The following AGBL1 variants were observed in gnomAD, a reference collection of about 807,000 sequenced individuals.
The protein encoded by AGBL1 is AGBL carboxypeptidase 1, also known as cytosolic carboxypeptidase 4.
In AGBL1, 130 loss-of-function variants were observed where a neutral mutation model predicts 118.9. That is an observed-to-expected ratio of 1.09 (90% confidence interval 0.95 to 1.26). The LOEUF is 1.26. Ranked by LOEUF, AGBL1 falls within the 50% of genes most tolerant of loss-of-function variation. The pLI is 0.00. For missense variants in AGBL1, 1,584 were observed against 1,298.1 expected, an observed-to-expected ratio of 1.22 and a Z score of -3.38; for synonymous variants, 555 against 478.9, an observed-to-expected ratio of 1.16 and a Z score of -2.08.
intron 17 of AGBL1, among the ~76,000 whole-genome samples, chr15:86,388,853 G>C (rs941789279): frequency 6.6e-6 from 1 of 152,266 alleles, no homozygotes; most frequent in South Asian, 2.1e-4. Flanking sequence ...GAATAATACA[G>C]GTGAAAACGC....
At chr15:86,741,651 C>G (rs993859590) in intron 22 of AGBL1, among the ~76,000 whole-genome samples, 1 of 152,034 alleles carries the variant, frequency 6.6e-6, no homozygotes, top group Non-Finnish European at 1.5e-5. Context: ...ACTCTATACA[C>G]TGTTCTAATT....
intron 22 of AGBL1, among the ~76,000 whole-genome samples, chr15:86,786,854 C>G (rs2141321036): frequency 6.6e-6 from 1 of 152,308 alleles, no homozygotes; most frequent in East Asian, 1.9e-4. Flanking sequence ...CATTCTCACA[C>G]CTATCTCCTT....
At chr15:86,573,476 G>C (rs2084038795) in intron 21 of AGBL1, among the ~76,000 whole-genome samples, 1 of 152,208 alleles carries the variant, frequency 6.6e-6, no homozygotes, top group African/African-American at 2.4e-5. Context: ...ATGTGTGTGT[G>C]TATGAAACTG....
At chr15:86,929,779 T>G (rs1222821636) in intron 23 of AGBL1, among the ~76,000 whole-genome samples, 1 of 152,204 alleles carries the variant, frequency 6.6e-6, no homozygotes, top group Non-Finnish European at 1.5e-5. Flanking sequence ...ATAGCTTTCT[T>G]TATGATCATT....
intron 22 of AGBL1, among the ~76,000 whole-genome samples, chr15:86,870,631 A>T (rs1596572852): frequency 6.6e-6 from 1 of 152,270 alleles, no homozygotes; most frequent in East Asian, 1.9e-4. Context: ...TATTTCAGAC[A>T]TATTTCAAAT....
At chr15:86,729,451 C>G (rs1261589598) in intron 22 of AGBL1, among the ~76,000 whole-genome samples, 1 of 152,132 alleles carries the variant, frequency 6.6e-6, no homozygotes, top group African/African-American at 2.4e-5. Context: ...TTAGTAGTCC[C>G]CAGTGTCTAC....
At chr15:86,281,631 T>C (rs2079356697) in intron 16 of AGBL1, among the ~76,000 whole-genome samples, 2 of 152,126 alleles carry the variant, frequency 1.3e-5, no homozygotes, top group African/African-American at 4.8e-5. Flanking sequence ...CGTTTATAGA[T>C]GCAAGAACTG....
At chr15:86,438,790 T>C (rs1033682881) in intron 18 of AGBL1, among the ~76,000 whole-genome samples, 11 of 151,802 alleles carry the variant, frequency 7.2e-5, no homozygotes, top group Admixed American at 5.9e-4. Context: ...GCCTCCCAGA[T>C]AGCTGGGATT....
At chr15:86,262,729 C>T in intron 9 of AGBL1, 49 bp from the exon 10 acceptor site, 1 of 1,267,638 alleles carries the variant, frequency 7.9e-7, no homozygotes, top group Non-Finnish European at 1.1e-6. Flanking sequence ...TGATGCTTCT[C>T]AGGGTGGATT....
chr15:86,720,761 C>T (rs188700025), intron 22 of AGBL1, among the ~76,000 whole-genome samples: 2 of 151,980 alleles, frequency 1.3e-5, no homozygotes, highest in South Asian at 2.1e-4. Flanking sequence ...GCTAGCAAGA[C>T]TAATAAAGAA....
chr15:86,171,563 A>G (rs2077415623), intron 5 of AGBL1, among the ~76,000 whole-genome samples: 1 of 152,310 alleles, frequency 6.6e-6, no homozygotes, highest in Middle Eastern at 3.4e-3. Flanking sequence ...GAAGCCAGGA[A>G]AAGAGAAAAA....
chr15:86,336,668 A>C (rs187111402), intron 17 of AGBL1, among the ~76,000 whole-genome samples: 43 of 152,322 alleles, frequency 2.8e-4, no homozygotes, highest in South Asian at 1.2e-3. Flanking sequence ...CATAATTTAT[A>C]CCAAGATGGG....
At chr15:86,565,839 C>G (rs554272963) in intron 21 of AGBL1, among the ~76,000 whole-genome samples, 5 of 152,336 alleles carry the variant, frequency 3.3e-5, no homozygotes, top group African/African-American at 9.6e-5. Flanking sequence ...GGTGGGTGCC[C>G]CTCCCCCAGC....
At chr15:86,388,962 A>T (rs1427524290) in intron 17 of AGBL1, among the ~76,000 whole-genome samples, 1 of 152,214 alleles carries the variant, frequency 6.6e-6, no homozygotes, top group African/African-American at 2.4e-5. Flanking sequence ...TTACTATGTC[A>T]TATATCTACC....
At chr15:86,247,580 A>G in intron 6 of AGBL1, 91 bp from the exon 7 acceptor site, 1 of 1,266,786 alleles carries the variant, frequency 7.9e-7, no homozygotes, top group Non-Finnish European at 1.1e-6. Context: ...GATGATTAAT[A>G]AGTATCTTGT....
At position 86,513,590 on chromosome 15, in the gene AGBL1, A is replaced by T. The variant is rs568796049; in HGVS notation, c.2556-9220A>T. Among the ~76,000 whole-genome samples, 3 of 152,108 alleles carry T rather than the reference A, an allele frequency of 2.0e-5. No homozygotes were observed. In the South Asian group the frequency reaches 6.2e-4, roughly 31 times the overall value. The stretch of plus-strand genomic sequence containing the variant: ...TCTGTTGCTCATTATAGTTTTACCC[A>T]CTAACTTTAGCTACATTGCTGATTG... On this transcript the variant is annotated intron_variant, in intron 18 of 22. Coordinates refer to ENST00000614907, the MANE Select transcript of AGBL1 (RefSeq NM_001386094.1).
chr15:86,996,443 A>C (rs2081381100), intron 24 of AGBL1, among the ~76,000 whole-genome samples: 1 of 152,112 alleles, frequency 6.6e-6, no homozygotes, highest in Admixed American at 6.6e-5. Flanking sequence ...CTGCTTCTTT[A>C]ATCTGTGTTT....
intron 1 of AGBL1, among the ~76,000 whole-genome samples, chr15:86,129,022 C>T (rs532008993): frequency 1.8e-4 from 27 of 152,228 alleles, no homozygotes; most frequent in South Asian, 1.5e-3. Flanking sequence ...GACAATAAAA[C>T]GAACAGAAAA....
chr15:86,153,745 T>C (rs1444001527), intron 3 of AGBL1, among the ~76,000 whole-genome samples: 2 of 152,240 alleles, frequency 1.3e-5, no homozygotes, highest in Non-Finnish European at 2.9e-5. Context: ...CTCTCTCATG[T>C]AGAGAGATGG....
Sources: allele counts gnomAD v4.1 joint callset (sites outside exome capture counted in the v4.1 genomes callset), GRCh38; gene constraint gnomAD v4.1.1; transcripts MANE v1.5; gene names NCBI Gene and HGNC (gene_info 2026-07-23, HGNC 2026-07-21).